The following SIM1 variants were observed in gnomAD, a reference collection of about 807,000 sequenced individuals.
SIM1 encodes single-minded homolog 1.
SIM1 carries 18 observed loss-of-function variants against 78.2 expected under a neutral mutation model. The observed-to-expected ratio is 0.23, with a 90% CI of 0.16 to 0.34. SIM1 has a LOEUF of 0.34. SIM1 is among the 10% of genes least tolerant of loss of function. The pLI is 1.00. For missense variants in SIM1, 939 were observed against 975.1 expected (o/e 0.96, Z 0.49); for synonymous variants, 417 against 385.2 (o/e 1.08, Z -0.97).
At chr6:100,456,674 C>A (rs1393029212) in intron 2 of SIM1, among the ~76,000 whole-genome samples, 1 of 152,084 alleles carries the variant, frequency 6.6e-6, no homozygotes, top group African/African-American at 2.4e-5. Flanking sequence ...TTGCTTCTCC[C>A]AGGCCCCCCT....
rs1189697286 is a variant in SIM1 at position 100,387,473 on chromosome 6, T to C, written c.*2888A>G. 6.6e-6 allele frequency: 1 copy of C among 152,078 alleles called. No homozygotes were observed. Among genetic ancestry groups the C allele is most frequent in the Non-Finnish European group, 1.5e-5 (1 of 67,932 alleles). The allele number at this position is 152,078 out of a possible 1,614,324, so 9.4% of individuals were successfully genotyped here. A position where few individuals can be genotyped will look rare whatever the true frequency, so the allele number is the denominator to read the frequency against. On this transcript the variant is annotated 3_prime_UTR_variant, in exon 12 of 12. Coordinates refer to ENST00000369208, the MANE Select transcript of SIM1 (RefSeq NM_005068.3). The stretch of plus-strand genomic sequence containing the variant: ...TTCACATGTATATTAAGAAAGTACA[T>C]TGTCATCAAATGTCTTAACTTACCT...
chr6:100,398,933 T>TTGTGTGTGTGTGTG (rs370296648), intron 10 of SIM1, among the ~76,000 whole-genome samples: 2 of 146,962 alleles, frequency 1.4e-5, no homozygotes, highest in African/African-American at 5.0e-5. Flanking sequence ...ACACTTGTTA[T>TTGTGTGTGTGTGTG]TGTGTGTGTG....
intron 10 of SIM1, among the ~76,000 whole-genome samples, chr6:100,413,059 G>A (rs1292694836): frequency 6.6e-6 from 1 of 152,158 alleles, no homozygotes; most frequent in African/African-American, 2.4e-5. Flanking sequence ...GGAAGGGCAG[G>A]TCAACTCCCA....
chr6:100,435,737 G>GATTCAAAGACTATTTTA (rs1445762717), intron 9 of SIM1, among the ~76,000 whole-genome samples: 126 of 152,166 alleles, frequency 8.3e-4, no homozygotes, highest in Non-Finnish European at 1.3e-3. Flanking sequence ...TTTGAATCTA[G>GATTCAAAGACTATTTTA]AATTCTTTAA....
intron 9 of SIM1, among the ~76,000 whole-genome samples, chr6:100,446,089 G>C (rs186405236): frequency 6.6e-6 from 1 of 152,240 alleles, no homozygotes; most frequent in African/African-American, 2.4e-5. Context: ...ATTCTTGAAT[G>C]TTGAATCCTC....
chr6:100,421,558 T>C (rs757921030), intron 9 of SIM1, among the ~76,000 whole-genome samples: 1 of 152,154 alleles, frequency 6.6e-6, no homozygotes, highest in South Asian at 2.1e-4. Flanking sequence ...TACAGGGGGA[T>C]GTAAGAATAA....
chr6:100,460,452 A>G (rs1582329840), intron 2 of SIM1, among the ~76,000 whole-genome samples: 1 of 152,246 alleles, frequency 6.6e-6, no homozygotes. Context: ...ACCTATAGCT[A>G]TGTCACCAGA....
At chr6:100,455,329 A>T (rs1263623742) in intron 2 of SIM1, among the ~76,000 whole-genome samples, 3 of 152,054 alleles carry the variant, frequency 2.0e-5, no homozygotes, top group African/African-American at 7.2e-5. Context: ...CCGACTCTTT[A>T]GCCCGCCCGA....
intron 10 of SIM1, among the ~76,000 whole-genome samples, chr6:100,394,443 TC>T (rs1770721651): frequency 6.6e-6 from 1 of 152,088 alleles, no homozygotes; most frequent in Non-Finnish European, 1.5e-5. Context: ...TCTGGCCCTG[TC>T]CCCCAGGCTG....
intron 10 of SIM1, among the ~76,000 whole-genome samples, chr6:100,394,249 T>C (rs982861616): frequency 3.9e-5 from 6 of 152,254 alleles, no homozygotes; most frequent in Admixed American, 2.6e-4. Context: ...AGTTTAGGGA[T>C]AGAGAAGCTA....
At position 100,449,491 on chromosome 6, in the gene SIM1, G is replaced by A. The variant is rs373198910; in HGVS notation, c.458-43C>T. On this transcript the variant is annotated intron_variant, in intron 5 of 11. Transcript: ENST00000369208. ...AGGGAAGCTCAGGTCGTGTGACACC[G>A]GCGGCGTGGGACAGCACGCGTCTCT... 96 of 1,589,426 alleles carry A rather than the reference G, an allele frequency of 6.0e-5. No homozygotes were observed. The South Asian group carries it at 7.4e-4, about 12-fold the overall frequency.
chr6:100,397,652 A>G (rs1444315638), intron 10 of SIM1, among the ~76,000 whole-genome samples: 1 of 152,140 alleles, frequency 6.6e-6, no homozygotes, highest in Non-Finnish European at 1.5e-5. Flanking sequence ...AACACAATCC[A>G]TAAAAGAAAA....
In SIM1 at chr6:100,453,806, G is replaced by T. The variant is rs138378556; in HGVS notation, c.214C>A (p.Pro72Thr). 7 of 1,612,316 alleles carry T rather than the reference G, an allele frequency of 4.3e-6. No individual in the cohort carries two copies. Among genetic ancestry groups the T allele is most frequent in the East Asian group, 2.2e-5 (1 of 44,626 alleles). The change falls in exon 3 of 12, where the codon CCC (proline) becomes ACC (threonine). Residue 72 changes from proline (P) to threonine (T), a missense_variant. Pro to Thr is a conservative substitution (Grantham distance 38). This residue lies in a region of SIM1 where 121 missense variants were observed against 124.6 expected (regional missense o/e 0.97). Transcript: ENST00000369208. ...EAWGHSSRTSPLDNVGRELGS... is the reference protein window; with the variant it reads ...EAWGHSSRTSTLDNVGRELGS... ...AGTTCTCGGCCAACGTTGTCCAGGG[G>T]GCTGGTCCGACTTGAGTGGCCCCAC...
At chr6:100,420,981 C>T in intron 9 of SIM1, 23 bp from the exon 10 acceptor site, 2 of 1,604,470 alleles carry the variant, frequency 1.2e-6, no homozygotes, top group Non-Finnish European at 1.7e-6. Context: ...AGGACAAAGC[C>T]CTTAATCAGC....
Position 100,393,543 on chromosome 6 carries a change from C to T in SIM1, c.1514G>A (p.Ser505Asn). ...ALPLTKASPESREAYENSMPH... is the reference protein window; with the variant it reads ...ALPLTKASPENREAYENSMPH... ...CATGCTGTTTTCATAGGCTTCTCTG[C>T]TTTCTGGGGAGGCCTTTGTCAGGGG... The change falls in exon 11 of 12, where the codon AGC (serine) becomes AAC (asparagine). Residue 505 changes from serine (S) to asparagine (N), a missense_variant. Coordinates refer to ENST00000369208, the MANE Select transcript of SIM1 (RefSeq NM_005068.3). The T allele has an allele frequency of 2.5e-6, 4 of 1,600,382 alleles. No homozygotes were observed. The highest frequency in any genetic ancestry group is 1.7e-5 in the Admixed American group (1 of 58,758).
chr6:100,443,891 A>T (rs78162095), intron 9 of SIM1, among the ~76,000 whole-genome samples: 1 of 152,130 alleles, frequency 6.6e-6, no homozygotes, highest in East Asian at 1.9e-4. Flanking sequence ...GATGTAGATG[A>T]TGTGAATATG....
At chr6:100,418,004 T>A (rs1771449242) in intron 10 of SIM1, among the ~76,000 whole-genome samples, 1 of 152,186 alleles carries the variant, frequency 6.6e-6, no homozygotes, top group East Asian at 1.9e-4. Context: ...TCAAGATAAA[T>A]CTTATGTGGA....
intron 2 of SIM1, 107 bp downstream of exon 2, chr6:100,463,183 AATAT>A (rs1176003753): frequency 3.1e-6 from 3 of 977,692 alleles, no homozygotes. Flanking sequence ...CCCTTTGCAA[AATAT>A]ATATGTAAAT....
At chr6:100,417,174 C>T (rs1771425232) in intron 10 of SIM1, among the ~76,000 whole-genome samples, 1 of 152,126 alleles carries the variant, frequency 6.6e-6, no homozygotes, top group Non-Finnish European at 1.5e-5. Context: ...GTCCCCTCTC[C>T]TCTCCCTTAT....
Sources: gnomAD v4.1 joint callset for allele counts (sites outside exome capture counted in the v4.1 genomes callset) on GRCh38, gnomAD v4.1.1 for gene constraint, gnomAD v4.1.1 regional missense constraint, MANE v1.5 for transcripts, NCBI Gene and HGNC (gene_info 2026-07-23, HGNC 2026-07-21) for gene names.